The following RFTN1 variants were observed in gnomAD, a reference collection of about 807,000 sequenced individuals.
RFTN1 encodes raftlin.
Under a neutral mutation model 46.5 loss-of-function variants are expected in RFTN1, and 26 were observed. The observed-to-expected ratio is 0.56, with a 90% CI of 0.41 to 0.78. The LOEUF is 0.78. Among genes scored for constraint, RFTN1 ranks in the 30% least tolerant of loss-of-function variants. The pLI is 0.00. For missense variants in RFTN1, 693 were observed against 718.7 expected, an observed-to-expected ratio of 0.96 and a Z score of 0.41; for synonymous variants, 261 against 284.2, an observed-to-expected ratio of 0.92 and a Z score of 0.82.
chr3:16,359,356 G>A (rs758064953), intron 6 of RFTN1, among the ~76,000 whole-genome samples: 6 of 152,092 alleles, frequency 3.9e-5, no homozygotes, highest in African/African-American at 1.2e-4. Context: ...CCCAAAATTC[G>A]TATGTTGAAG....
rs552681275 is a variant in RFTN1, at chr3:16,385,574, T to A, written c.442-7472A>T. ...ATTTATTTTAGCCTCAGTTTCTTAA[T>A]CTATAAAATGAAGATACTAATATTC... On this transcript the variant is annotated intron_variant, in intron 4 of 9. Transcript: ENST00000334133. The surrounding 1 kb of genome is among the most constrained non-coding windows in gnomAD (Gnocchi z 5.0). Among the ~76,000 whole-genome samples the A allele has an allele frequency of 1.1e-4, 17 of 152,368 alleles. No individual in the cohort carries two copies. Among genetic ancestry groups the A allele is most frequent in the Admixed American group, 7.2e-4 (11 of 15,310 alleles).
intron 2 of RFTN1, among the ~76,000 whole-genome samples, chr3:16,464,973 A>G (rs1315387635): frequency 6.6e-6 from 1 of 151,900 alleles, no homozygotes; most frequent in Non-Finnish European, 1.5e-5. Context: ...CCATCTCCCC[A>G]CTCTTCTAAT....
chr3:16,458,484 G>T lies in RFTN1; in HGVS notation c.146-24447C>A, dbSNP rs2124923367. Among the ~76,000 whole-genome samples, 1 of 152,284 alleles carries T rather than the reference G, an allele frequency of 6.6e-6. No individual in the cohort carries two copies. The highest frequency in any genetic ancestry group is 1.9e-4 in the East Asian group (1 of 5,188). ...TTTCCTTTCACTTGTCATTAATTCT[G>T]TTCATCTGCAAGAAGCCCATCTATC... On this transcript the variant is annotated intron_variant, in intron 2 of 9. Coordinates refer to ENST00000334133, the MANE Select transcript of RFTN1 (RefSeq NM_015150.2). This position sits in a 1 kb window ranked among gnomAD's most constrained non-coding sequence, Gnocchi z 5.1.
Position 16,406,606 on chromosome 3 carries a change from A to G in RFTN1, c.441+2769T>C, listed in dbSNP as rs536758972. On this transcript the variant is annotated intron_variant, in intron 4 of 9. Coordinates refer to ENST00000334133, the MANE Select transcript of RFTN1 (RefSeq NM_015150.2). ...TGTATGACAGGAACAGGATGATACG[A>G]TGGGCTTTAAAGCCTATTATTTTCA... Among the ~76,000 whole-genome samples, 13 of 152,346 alleles carry G rather than the reference A, an allele frequency of 8.5e-5. No individual in the cohort carries two copies. In the East Asian group the frequency reaches 2.5e-3, roughly 29 times the overall value.
chr3:16,473,530 AG>A lies in RFTN1; in HGVS notation c.145+20194del, dbSNP rs1218728144. Among the ~76,000 whole-genome samples the A allele has an allele frequency of 6.6e-6, 1 of 151,456 alleles. No homozygotes were observed. Among genetic ancestry groups the A allele is most frequent in the African/African-American group, 2.4e-5 (1 of 41,200 alleles). Reference sequence around the variant, plus strand: ...ATTCTCCTGCCTCAGCCTCCCAAGGAGCTGGGACTACAGGCATGCACCGCCC... The same window carrying A: ...ATTCTCCTGCCTCAGCCTCCCAAGGACTGGGACTACAGGCATGCACCGCCC... On this transcript the variant is annotated intron_variant, in intron 2 of 9. Transcript: ENST00000334133. The surrounding 1 kb of genome is among the most constrained non-coding windows in gnomAD (Gnocchi z 5.3).
intron 2 of RFTN1, among the ~76,000 whole-genome samples, chr3:16,471,803 TA>T (rs2076200736): frequency 6.6e-6 from 1 of 152,246 alleles, no homozygotes; most frequent in Non-Finnish European, 1.5e-5. Flanking sequence ...ATTTTATTTT[TA>T]AACTATTTTT....
rs2074767817 is a variant in RFTN1, at chr3:16,404,256, T to C, written c.441+5119A>G. On this transcript the variant is annotated intron_variant, in intron 4 of 9. Transcript: ENST00000334133. Reference sequence around the variant, plus strand: ...TATAATATATATTTTATATATAATATATAATATATAATATATATAATATGT... The same window carrying C: ...TATAATATATATTTTATATATAATACATAATATATAATATATATAATATGT... Among the ~76,000 whole-genome samples the C allele has an allele frequency of 2.8e-4, 3 of 10,894 alleles. No individual in the cohort carries two copies. In the East Asian group the frequency reaches 0.011, roughly 39 times the overall value. The allele number at this position is 10,894 out of a possible 152,430, so 7.1% of individuals were successfully genotyped here.
chr3:16,331,506 C>T (rs139342906), intron 7 of RFTN1, among the ~76,000 whole-genome samples: 1 of 152,174 alleles, frequency 6.6e-6, no homozygotes, highest in Non-Finnish European at 1.5e-5. Flanking sequence ...TTATATAACC[C>T]TCTGTTTTTC....
chr3:16,343,606 G>T (rs2071453461), intron 7 of RFTN1, among the ~76,000 whole-genome samples: 1 of 152,212 alleles, frequency 6.6e-6, no homozygotes, highest in Non-Finnish European at 1.5e-5. Context: ...GCACTGGACT[G>T]AAGAAAACAG....
rs977646087 is a variant in RFTN1 at position 16,499,364 on chromosome 3, G to A, written c.-8-5487C>T. ...GGACCCAGCTTTAAGAAACTTGAGA[G>A]CATTTACTCCCTGACTTTTGGGGTG... is the stretch of plus-strand genomic sequence containing the variant. On this transcript the variant is annotated intron_variant, in intron 1 of 9. Coordinates refer to ENST00000334133, the MANE Select transcript of RFTN1 (RefSeq NM_015150.2). The surrounding 1 kb of genome is among the most constrained non-coding windows in gnomAD (Gnocchi z 4.9). Among the ~76,000 whole-genome samples, 1 of 152,198 alleles carries A rather than the reference G, an allele frequency of 6.6e-6. No homozygotes were observed. Among genetic ancestry groups the A allele is most frequent in the Non-Finnish European group, 1.5e-5 (1 of 68,030 alleles).
Position 16,377,728 on chromosome 3 carries a change from T to C in RFTN1, c.816A>G (p.Pro272=), listed in dbSNP as rs757355101. 1 of 1,591,788 alleles carries C rather than the reference T, an allele frequency of 6.3e-7. No homozygotes were observed. The highest frequency in any genetic ancestry group is 8.6e-7 in the Non-Finnish European group (1 of 1,163,188). ...TGCTGACATACTTACTCCCTGAGAG[T>C]GGCTCTTCATGCACCTCCAAGGGGT... ...ESNPLEVHEE[P]LSGKMEIFTL... The change falls in exon 5 of 10, where the codon CCA becomes CCG. Residue 272 remains proline, a synonymous_variant. Coordinates refer to ENST00000334133, the MANE Select transcript of RFTN1 (RefSeq NM_015150.2).
At position 16,361,966 on chromosome 3, in the gene RFTN1, T is replaced by C. The variant is rs551382906; in HGVS notation, c.1031-3919A>G. Among the ~76,000 whole-genome samples, 39 of 152,282 alleles carry C rather than the reference T, an allele frequency of 2.6e-4. 3 individuals carry two copies. In the South Asian group the frequency reaches 6.8e-3, roughly 27 times the overall value. On this transcript the variant is annotated intron_variant, in intron 6 of 9. Coordinates refer to ENST00000334133, the MANE Select transcript of RFTN1 (RefSeq NM_015150.2). This position sits in a 1 kb window ranked among gnomAD's most constrained non-coding sequence, Gnocchi z 4.3. ...CAACCCCAAAATCTGCCAGAGTAAA[T>C]TGTTACCATTGTAAGCCAATGAGTT...
chr3:16,496,335 T>C (rs569224527), intron 1 of RFTN1, among the ~76,000 whole-genome samples: 1 of 152,324 alleles, frequency 6.6e-6, no homozygotes, highest in East Asian at 1.9e-4. Flanking sequence ...AATGCATTCA[T>C]GCAACAAAGG....
At position 16,383,326 on chromosome 3, in the gene RFTN1, A is replaced by G. The variant is rs1338846726; in HGVS notation, c.442-5224T>C. ...AAGAACCCACCTGCCCCAAATACTT[A>G]AAGAGTAACAATTTCTGGTTGAGGC... On this transcript the variant is annotated intron_variant, in intron 4 of 9. Coordinates refer to ENST00000334133, the MANE Select transcript of RFTN1 (RefSeq NM_015150.2). The surrounding 1 kb of genome is among the most constrained non-coding windows in gnomAD (Gnocchi z 4.0). Among the ~76,000 whole-genome samples, 1 of 152,220 alleles carries G rather than the reference A, an allele frequency of 6.6e-6. No individual in the cohort carries two copies. Among genetic ancestry groups the G allele is most frequent in the Non-Finnish European group, 1.5e-5 (1 of 68,034 alleles).
Position 16,465,419 on chromosome 3 carries a change from GACAC to G in RFTN1, c.145+28302_145+28305del, listed in dbSNP as rs10560544. 7.6e-4 allele frequency among the ~76,000 whole-genome samples: 109 copies of G among 143,288 alleles called. 1 individual carries two copies. Among genetic ancestry groups the G allele is most frequent in the Admixed American group, 2.5e-3 (36 of 14,266 alleles). 94.0% of individuals were successfully genotyped at this position (143,288 alleles called of 152,430 possible). On this transcript the variant is annotated intron_variant, in intron 2 of 9. Transcript: ENST00000334133. This position sits in a 1 kb window ranked among gnomAD's most constrained non-coding sequence, Gnocchi z 5.1. The stretch of plus-strand genomic sequence containing the variant: ...CCAACAGAGGTTGGCAGCTCAGAGG[GACAC>G]ACACACACACACACACACACACACA...
intron 7 of RFTN1, among the ~76,000 whole-genome samples, chr3:16,357,402 C>T (rs955576643): frequency 1.3e-5 from 2 of 152,320 alleles, no homozygotes; most frequent in East Asian, 3.9e-4. Context: ...CAAAGACATT[C>T]TTCAGTATTT....
intron 8 of RFTN1, among the ~76,000 whole-genome samples, chr3:16,324,612 G>GTCC (rs1270315325): frequency 7.0e-5 from 5 of 71,082 alleles, no homozygotes; most frequent in African/African-American, 1.2e-4. Context: ...GAATGTCCCT[G>GTCC]ACCCCCCCCC....
In RFTN1 at chr3:16,336,808, G is replaced by C. The variant is rs2070895866; in HGVS notation, c.1147-9932C>G. On this transcript the variant is annotated intron_variant, in intron 7 of 9. Coordinates refer to ENST00000334133, the MANE Select transcript of RFTN1 (RefSeq NM_015150.2). The surrounding 1 kb of genome is among the most constrained non-coding windows in gnomAD (Gnocchi z 6.0). ...CATCTTTGTCTCATTTTCTCTACCA[G>C]GTAAGAAAGGCAGCAAACTCAGTAG... 6.6e-6 allele frequency among the ~76,000 whole-genome samples: 1 copy of C among 152,058 alleles called. No individual in the cohort carries two copies. Among genetic ancestry groups the C allele is most frequent in the Admixed American group, 6.5e-5 (1 of 15,270 alleles).
At chr3:16,371,736 A>G (rs1214605199) in intron 5 of RFTN1, among the ~76,000 whole-genome samples, 1 of 152,166 alleles carries the variant, frequency 6.6e-6, no homozygotes, top group Non-Finnish European at 1.5e-5. Flanking sequence ...TATTTTAAAC[A>G]CCAATTCTAG....
Sources: gnomAD v4.1 joint callset for allele counts (sites outside exome capture counted in the v4.1 genomes callset) on GRCh38, gnomAD v4.1.1 for gene constraint, Gnocchi (gnomAD v3.1) non-coding constraint, MANE v1.5 for transcripts, NCBI Gene and HGNC (gene_info 2026-07-23, HGNC 2026-07-21) for gene names.